The following KLF12 variants were observed in gnomAD, a reference collection of about 807,000 sequenced individuals.
KLF12 encodes the protein KLF transcription factor 12.
In KLF12, 9 loss-of-function variants were observed where a neutral mutation model predicts 37.8. That is an observed-to-expected ratio of 0.24 (90% CI 0.14 to 0.42). KLF12 has a LOEUF of 0.42. KLF12 is among the 10% of genes least tolerant of loss of function. The pLI is 1.00. For synonymous variants in KLF12, 208 were observed against 202.1 expected (o/e 1.03, Z -0.25); for missense variants, 411 against 516.0 (o/e 0.80, Z 1.97).
intron 2 of KLF12, among the ~76,000 whole-genome samples, chr13:73,954,437 G>T (rs186740058): frequency 2.2e-4 from 34 of 152,194 alleles, no homozygotes; most frequent in Admixed American, 1.8e-3. Context: ...AAAAAAAAGT[G>T]AGGCAGAAAA....
At chr13:73,927,287 A>G (rs117172605) in intron 3 of KLF12, among the ~76,000 whole-genome samples, 3,200 of 152,230 alleles carry the variant, frequency 0.021, 60 homozygotes, top group Non-Finnish European at 0.034. Context: ...CTCCTCCCCA[A>G]ATCAATACTA....
At chr13:74,260,574 T>TAATA in the KLF12 span, among the ~76,000 whole-genome samples, 1 of 100,318 alleles carries the variant, frequency 1.0e-5, no homozygotes, top group African/African-American at 5.6e-5. Context: ...TAAAATAAAA[T>TAATA]AAATAAAATA....
At chr13:74,253,332 C>A in the KLF12 span, among the ~76,000 whole-genome samples, 1 of 152,098 alleles carries the variant, frequency 6.6e-6, no homozygotes, top group African/African-American at 2.4e-5. Context: ...CACACCCCTG[C>A]CCCCAACATT....
At chr13:74,156,504 T>G in the KLF12 span, among the ~76,000 whole-genome samples, 1 of 152,222 alleles carries the variant, frequency 6.6e-6, no homozygotes, top group Non-Finnish European at 1.5e-5. Context: ...ATTATTTATT[T>G]TAAAATACAC....
chr13:73,967,438 A>T (rs561241580), intron 2 of KLF12, among the ~76,000 whole-genome samples: 1 of 152,304 alleles, frequency 6.6e-6, no homozygotes, highest in South Asian at 2.1e-4. Context: ...TCCAAGACAA[A>T]GTCAAGATTT....
intron 6 of KLF12, among the ~76,000 whole-genome samples, chr13:73,727,428 T>A (rs1185287220): frequency 6.6e-6 from 1 of 152,172 alleles, no homozygotes; most frequent in Non-Finnish European, 1.5e-5. Flanking sequence ...TATTCAGTTA[T>A]CCCAGCAACA....
chr13:74,257,648 G>A, the KLF12 span: 5 of 152,200 alleles, frequency 3.3e-5, no homozygotes, highest in African/African-American at 4.8e-5. Context: ...TTTGTCACCT[G>A]GGGGACTGCG....
intron 1 of KLF12, among the ~76,000 whole-genome samples, chr13:74,120,483 A>C (rs1196453223): frequency 2.6e-5 from 4 of 152,152 alleles, no homozygotes; most frequent in African/African-American, 9.6e-5. Flanking sequence ...GTCTCAAAAA[A>C]ATAAAAAATA....
chr13:74,304,411 T>C, the KLF12 span, among the ~76,000 whole-genome samples: 1 of 152,172 alleles, frequency 6.6e-6, no homozygotes, highest in African/African-American at 2.4e-5. Context: ...AAGCAAAGCA[T>C]AGGATGCTAT....
chr13:74,194,868 CT>C, the KLF12 span, among the ~76,000 whole-genome samples: 1 of 152,164 alleles, frequency 6.6e-6, no homozygotes, highest in African/African-American at 2.4e-5. Flanking sequence ...TTAAAAATTC[CT>C]TTTATGTAGA....
chr13:73,702,805 T>G (rs971974097), intron 7 of KLF12, among the ~76,000 whole-genome samples: 1 of 152,202 alleles, frequency 6.6e-6, no homozygotes, highest in African/African-American at 2.4e-5. Flanking sequence ...TCAAGATTCC[T>G]ATCTTGTCTT....
rs1216160288 is a variant in KLF12, at chr13:73,690,827, A to G, written c.*4663T>C. On this transcript the variant is annotated 3_prime_UTR_variant, in exon 8 of 8. Transcript: ENST00000377669. ...TTGAAAATACTTTTTCCACTATCACATATGTTACGAATACAGTAAAATATC... is the reference window on the plus strand; with the variant it reads ...TTGAAAATACTTTTTCCACTATCACGTATGTTACGAATACAGTAAAATATC... The G allele has an allele frequency of 1.3e-5, 2 of 151,290 alleles. No individual in the cohort carries two copies. The highest frequency in any genetic ancestry group is 3.8e-4 in the East Asian group (2 of 5,204). The allele number at this position is 151,290 out of a possible 1,614,324, so 9.4% of individuals were successfully genotyped here.
the KLF12 span, among the ~76,000 whole-genome samples, chr13:74,206,172 C>A: frequency 6.6e-6 from 1 of 152,058 alleles, no homozygotes; most frequent in Non-Finnish European, 1.5e-5. Flanking sequence ...CATCTGTTTT[C>A]ATTACCCATT....
At chr13:74,278,348 G>A in the KLF12 span, among the ~76,000 whole-genome samples, 72 of 152,222 alleles carry the variant, frequency 4.7e-4, 1 homozygote, top group Non-Finnish European at 9.3e-4. Context: ...CACTTATTAG[G>A]CCATATCTGG....
At chr13:73,940,736 A>C (rs919355396) in intron 3 of KLF12, among the ~76,000 whole-genome samples, 4 of 152,214 alleles carry the variant, frequency 2.6e-5, no homozygotes, top group Admixed American at 2.6e-4. Flanking sequence ...GTCCTCTAGG[A>C]GTTTACACTC....
chr13:73,726,433 C>T lies in KLF12; in HGVS notation c.870-10908G>A, dbSNP rs1298164333. On this transcript the variant is annotated intron_variant, in intron 6 of 7. Transcript: ENST00000377669. ...CAAAAGAAAACCCCATACTCATTAG[C>T]ATCCATTCTGCCTTCCTCCTAGTCC... 6.6e-5 allele frequency among the ~76,000 whole-genome samples: 10 copies of T among 152,288 alleles called. No homozygotes were observed. The South Asian group carries it at 1.2e-3, about 19-fold the overall frequency.
chr13:74,003,290 G>T lies in KLF12; in HGVS notation c.-31-8237C>A, dbSNP rs1484747895. Among the ~76,000 whole-genome samples the T allele has an allele frequency of 2.6e-5, 4 of 152,124 alleles. No homozygotes were observed. The East Asian group carries it at 7.7e-4, about 29-fold the overall frequency. On this transcript the variant is annotated intron_variant, in intron 1 of 7. Coordinates refer to ENST00000377669, the MANE Select transcript of KLF12 (RefSeq NM_007249.5). ...CAAGACATTTCAGGGAAAAGAGATGGACTGGGTAGTAGATTTAAGTCTGAA... is the reference window on the plus strand; with the variant it reads ...CAAGACATTTCAGGGAAAAGAGATGTACTGGGTAGTAGATTTAAGTCTGAA...
chr13:73,967,969 T>C (rs1891219479), intron 2 of KLF12, among the ~76,000 whole-genome samples: 1 of 152,208 alleles, frequency 6.6e-6, no homozygotes, highest in Non-Finnish European at 1.5e-5. Flanking sequence ...TATTAGAGTC[T>C]GTCAGGCTAC....
At chr13:74,163,269 G>T in the KLF12 span, among the ~76,000 whole-genome samples, 4 of 152,138 alleles carry the variant, frequency 2.6e-5, no homozygotes, top group African/African-American at 9.7e-5. Flanking sequence ...ATATCAAAGA[G>T]ATATCTGCAC....
Sources: gnomAD v4.1 joint callset for allele counts (sites outside exome capture counted in the v4.1 genomes callset) on GRCh38, gnomAD v4.1.1 for gene constraint, MANE v1.5 for transcripts, NCBI Gene and HGNC (gene_info 2026-07-23, HGNC 2026-07-21) for gene names.